Variants in ANO2 observed in about 807,000 individuals in gnomAD.
ANO2 encodes the protein anoctamin-2.
Under a neutral mutation model 124.2 loss-of-function variants are expected in ANO2, and 101 were observed. The observed-to-expected ratio is 0.81, with a 90% CI of 0.69 to 0.96. ANO2 has a LOEUF of 0.96. ANO2 is among the 40% of genes least tolerant of loss of function. ANO2 has a pLI of 0.00. For synonymous variants in ANO2, 486 were observed against 482.5 expected (o/e 1.01, Z -0.09); for missense variants, 1,293 against 1,274.5 (o/e 1.01, Z -0.22).
intron 14 of ANO2, among the ~76,000 whole-genome samples, chr12:5,706,433 C>G (rs1179651375): frequency 6.6e-6 from 1 of 152,000 alleles, no homozygotes; most frequent in Non-Finnish European, 1.5e-5. Flanking sequence ...GCCCCGGGGC[C>G]TTTGCACTTG....
intron 16 of ANO2, among the ~76,000 whole-genome samples, chr12:5,624,280 CAG>C (rs918601317): frequency 3.9e-5 from 6 of 151,974 alleles, no homozygotes. Flanking sequence ...GACAGACAGA[CAG>C]AGAGACAGAC....
At chr12:5,697,303 G>A (rs915706941) in intron 14 of ANO2, among the ~76,000 whole-genome samples, 4 of 152,040 alleles carry the variant, frequency 2.6e-5, no homozygotes, top group African/African-American at 9.7e-5. Context: ...GTGGTGGTGG[G>A]AGTCTGTAGT....
intron 20 of ANO2, among the ~76,000 whole-genome samples, chr12:5,590,943 T>C (rs748159595): frequency 6.6e-6 from 1 of 152,106 alleles, no homozygotes; most frequent in East Asian, 1.9e-4. Context: ...TCCCAGCACT[T>C]TGGGAGGCCA....
chr12:5,922,765 G>A lies in ANO2; in HGVS notation c.62C>T (p.Pro21Leu). The change falls in exon 2 of 25, where the codon CCT (proline) becomes CTT (leucine). Residue 21 changes from proline (P) to leucine (L), a missense_variant. Coordinates refer to ENST00000682330, the MANE Select transcript of ANO2 (RefSeq NM_001364791.2). ...LLPGSPRRLSPQAGSRGGQGP... is the reference protein window; with the variant it reads ...LLPGSPRRLSLQAGSRGGQGP... ...CTGGCCCCCTCTGGACCCTGCCTGA[G>A]GGCTCAGCCGGCGTGGGGAGCCAGG... The A allele has an allele frequency of 3.9e-6, 6 of 1,554,580 alleles. No homozygotes were observed. Among genetic ancestry groups the A allele is most frequent in the South Asian group, 3.6e-5 (3 of 83,456 alleles).
intron 7 of ANO2, among the ~76,000 whole-genome samples, chr12:5,824,473 T>C (rs184732193): frequency 6.6e-6 from 1 of 152,088 alleles, no homozygotes; most frequent in Admixed American, 6.5e-5. Flanking sequence ...ATAACAAGAG[T>C]CACCTTCACA....
intron 14 of ANO2, among the ~76,000 whole-genome samples, chr12:5,671,643 A>T (rs1195952296): frequency 6.6e-6 from 1 of 152,174 alleles, no homozygotes; most frequent in African/African-American, 2.4e-5. Flanking sequence ...GGCTGGCTGC[A>T]GCTTGCATTT....
At chr12:5,920,970 A>G (rs1941662504) in intron 3 of ANO2, 70 bp downstream of exon 3, 2 of 1,497,466 alleles carry the variant, frequency 1.3e-6, no homozygotes, top group Non-Finnish European at 1.8e-6. Context: ...GTCAGGTGGC[A>G]CTGCTCACTA....
At chr12:5,795,589 G>A (rs567370084) in intron 10 of ANO2, among the ~76,000 whole-genome samples, 1 of 152,198 alleles carries the variant, frequency 6.6e-6, no homozygotes. Flanking sequence ...TCACAGGCAG[G>A]CAGTGGCAGC....
intron 14 of ANO2, among the ~76,000 whole-genome samples, chr12:5,684,442 C>G (rs1268181181): frequency 1.3e-5 from 2 of 152,158 alleles, no homozygotes; most frequent in Non-Finnish European, 1.5e-5. Context: ...GTGCATGGAC[C>G]TCGGACACTC....
At position 5,750,847 on chromosome 12, in the gene ANO2, T is replaced by G. The variant is rs1355442025; in HGVS notation, c.1179A>C (p.Glu393Asp). The G allele has an allele frequency of 2.5e-6, 4 of 1,611,568 alleles. No individual in the cohort carries two copies. The highest frequency in any genetic ancestry group is 3.4e-6 in the Non-Finnish European group (4 of 1,179,200). Residue 393 changes from glutamate to aspartate, a missense_variant, in exon 11 of 25, where the codon GAA (glutamate) becomes GAC (aspartate). Glu to Asp is a conservative substitution (Grantham distance 45). Coordinates refer to ENST00000682330, the MANE Select transcript of ANO2 (RefSeq NM_001364791.2). ...VFLYGCATIE[E>D]DIPSREMCDQ... The stretch of plus-strand genomic sequence containing the variant: ...TAAAACTGATTTACCTGGGAATATC[T>G]TCTTCAATTGTTGCACATCCATAAA...
chr12:5,828,704 G>C (rs889349499), intron 6 of ANO2, among the ~76,000 whole-genome samples: 2 of 152,220 alleles, frequency 1.3e-5, no homozygotes, highest in African/African-American at 2.4e-5. Flanking sequence ...TCTTACATGG[G>C]AGGAAAGGGG....
intron 14 of ANO2, among the ~76,000 whole-genome samples, chr12:5,662,237 T>C (rs1002956046): frequency 1.1e-4 from 17 of 152,376 alleles, no homozygotes; most frequent in African/African-American, 4.1e-4. Context: ...CCTAGACCTA[T>C]GCAGCTACCT....
Position 5,723,092 on chromosome 12 carries a change from G to A in ANO2, c.1545+9428C>T, listed in dbSNP as rs191182007. Among the ~76,000 whole-genome samples, 12 of 152,282 alleles carry A rather than the reference G, an allele frequency of 7.9e-5. No individual in the cohort carries two copies. The East Asian group carries it at 1.4e-3, about 17-fold the overall frequency. ...TGGCTCACTCACTGAAATTCCTTAC[G>A]GCATTTTTTTCAAGAGCCTTTCTTC... is the stretch of plus-strand genomic sequence containing the variant. On this transcript the variant is annotated intron_variant, in intron 14 of 24. Coordinates refer to ENST00000682330, the MANE Select transcript of ANO2 (RefSeq NM_001364791.2).
chr12:5,678,894 A>G (rs1413074039), intron 14 of ANO2, among the ~76,000 whole-genome samples: 1 of 152,252 alleles, frequency 6.6e-6, no homozygotes, highest in Non-Finnish European at 1.5e-5. Flanking sequence ...GAACTTAACA[A>G]GGGACATTTG....
At position 5,605,974 on chromosome 12, in the gene ANO2, G is replaced by A. The variant is rs553235923; in HGVS notation, c.2088-6345C>T. Among the ~76,000 whole-genome samples the A allele has an allele frequency of 4.6e-5, 7 of 152,274 alleles. No individual in the cohort carries two copies. In the East Asian group the frequency reaches 5.8e-4, roughly 13 times the overall value. ...AAGAGCCTGGGGTTGTGTGAGTGGG[G>A]ACCATTCAAAGCCAGATCACGCAAC... On this transcript the variant is annotated intron_variant, in intron 19 of 24. Transcript: ENST00000682330.
chr12:5,613,589 A>G lies in ANO2; in HGVS notation c.1929-631T>C, dbSNP rs143344208. On this transcript the variant is annotated intron_variant, in intron 17 of 24. Coordinates refer to ENST00000682330, the MANE Select transcript of ANO2 (RefSeq NM_001364791.2). ...CCAGACAGACAATCAGAATAATCCT[A>G]CTTACTTGCAGGGTCATCCCTGTGT... 7.9e-5 allele frequency among the ~76,000 whole-genome samples: 12 copies of G among 152,306 alleles called. No individual in the cohort carries two copies. The East Asian group carries it at 1.9e-3, about 24-fold the overall frequency.
intron 15 of ANO2, among the ~76,000 whole-genome samples, chr12:5,640,791 TCAA>T (rs1031113992): frequency 7.2e-5 from 11 of 152,134 alleles, no homozygotes; most frequent in African/African-American, 2.4e-4. Flanking sequence ...GTGAACTAGT[TCAA>T]CGATTGTGGA....
chr12:5,916,721 AT>A (rs1184948924), intron 3 of ANO2, among the ~76,000 whole-genome samples: 21 of 104,636 alleles, frequency 2.0e-4, no homozygotes, highest in East Asian at 1.0e-3. Flanking sequence ...CTTTTTTTTA[AT>A]TTAAAAAAAA....
chr12:5,675,406 C>T (rs543446108), intron 14 of ANO2, among the ~76,000 whole-genome samples: 32 of 152,284 alleles, frequency 2.1e-4, no homozygotes, highest in African/African-American at 6.0e-4. Context: ...AGCCACTGGA[C>T]TTCTTAGTCT....
Sources: gnomAD v4.1 joint callset for allele counts (sites outside exome capture counted in the v4.1 genomes callset) on GRCh38, gnomAD v4.1.1 for gene constraint, MANE v1.5 for transcripts, NCBI Gene and HGNC (gene_info 2026-07-23, HGNC 2026-07-21) for gene names.